Variants in NCOA5 observed in about 807,000 individuals in gnomAD.
NCOA5 encodes nuclear receptor coactivator 5, also known as NCoA-5.
In NCOA5, 12 loss-of-function variants were observed where a neutral mutation model predicts 59.0. The observed-to-expected ratio is 0.20, with a 90% CI of 0.13 to 0.33. The LOEUF is 0.33. Among genes scored for constraint, NCOA5 ranks in the 10% least tolerant of loss-of-function variants. NCOA5 has a pLI of 1.00. For synonymous variants in NCOA5, 270 were observed against 275.5 expected, an observed-to-expected ratio of 0.98 and a Z score of 0.20; for missense variants, 655 against 766.6, an observed-to-expected ratio of 0.85 and a Z score of 1.72.
chr20:46,065,033 C>G lies in NCOA5; in HGVS notation c.825G>C (p.Pro275=). 2 of 1,614,100 alleles carry G rather than the reference C, an allele frequency of 1.2e-6. No homozygotes were observed. The highest frequency in any genetic ancestry group is 1.7e-6 in the Non-Finnish European group (2 of 1,180,014). ...TCCGGTATTCTGACTCTGTACCTTG[C>G]GGGGTTCCAAACATGATGTTGACTG... ...SCTVNIMFGT[P]QEHRNMPQAD... The change falls in exon 6 of 8, where the codon CCG becomes CCC. Residue 275 remains proline (P), a synonymous_variant. Coordinates refer to ENST00000290231, the MANE Select transcript of NCOA5 (RefSeq NM_020967.3).
At position 46,062,598 on chromosome 20, in the gene NCOA5, C is replaced by A. The variant is rs372389784; in HGVS notation, c.1442G>T (p.Gly481Val). The A allele has an allele frequency of 6.2e-7, 1 of 1,614,206 alleles. No homozygotes were observed. The highest frequency in any genetic ancestry group is 8.5e-7 in the Non-Finnish European group (1 of 1,180,036). Residue 481 changes from glycine to valine, a missense_variant, in exon 8 of 8, where the codon GGC becomes GTC. Transcript: ENST00000290231. ...TCCCAAAATGCTTGGAGGCTGATTG[C>A]CAGAAGCCTGTGATCTTTGTTGAGG... Reference protein sequence around the residue: ...SQPQQRSQASGNQPPSILGQG... With the variant: ...SQPQQRSQASVNQPPSILGQG...
chr20:46,063,820 G>A (rs1303615027), intron 6 of NCOA5, 140 bp from the exon 7 acceptor site: 2 of 862,096 alleles, frequency 2.3e-6, no homozygotes, highest in Admixed American at 2.7e-5. Context: ...TTGAGAGTGG[G>A]GTGGTGTGGG....
At chr20:46,062,976 G>A (rs1211923527) in intron 7 of NCOA5, 87 bp from the exon 8 acceptor site, 2 of 1,102,694 alleles carry the variant, frequency 1.8e-6, no homozygotes, top group African/African-American at 1.6e-5. Context: ...AACAATCACT[G>A]AGTCACATCA....
At chr20:46,076,364 T>C (rs757547398) in intron 2 of NCOA5, among the ~76,000 whole-genome samples, 4 of 152,170 alleles carry the variant, frequency 2.6e-5, no homozygotes, top group Admixed American at 2.6e-4. Flanking sequence ...CTCAGTTAAA[T>C]GATTTGCCCC....
intron 1 of NCOA5, among the ~76,000 whole-genome samples, chr20:46,080,977 G>T (rs1304789320): frequency 6.6e-6 from 1 of 151,998 alleles, no homozygotes; most frequent in Non-Finnish European, 1.5e-5. Flanking sequence ...TCTATTATAC[G>T]TAATTGTGAA....
At chr20:46,068,042 T>G (rs991425088) in intron 4 of NCOA5, among the ~76,000 whole-genome samples, 5 of 152,146 alleles carry the variant, frequency 3.3e-5, no homozygotes, top group Non-Finnish European at 7.4e-5. Flanking sequence ...GCGATCCTCC[T>G]GCCTCAGCCC....
chr20:46,062,926 A>T (rs1177162115), intron 7 of NCOA5, 37 bp from the exon 8 acceptor site: 12 of 1,491,640 alleles, frequency 8.0e-6, no homozygotes, highest in Non-Finnish European at 1.1e-5. Flanking sequence ...GGTTCAAAGT[A>T]CCCCCCAAGG....
At position 46,067,078 on chromosome 20, in the gene NCOA5, C is replaced by G; in HGVS notation, c.606G>C (p.Val202=). 1 of 1,614,064 alleles carries G rather than the reference C, an allele frequency of 6.2e-7. No individual in the cohort carries two copies. Among genetic ancestry groups the G allele is most frequent in the Non-Finnish European group, 8.5e-7 (1 of 1,179,984 alleles). Residue 202 remains valine (V), a synonymous_variant, in exon 5 of 8, where the codon GTG becomes GTC. Transcript: ENST00000290231. ...ACTTTGTCTGTTTGTTGACCACAAT[C>G]ACAGAACAATCAACGGGCCTTTCGG... The part of the protein sequence containing the change: ...FDAERPVDCS[V]IVVNKQTKDY...
At position 46,079,390 on chromosome 20, in the gene NCOA5, C is replaced by T. The variant is rs370602943; in HGVS notation, c.35G>A (p.Arg12Gln). The part of the protein sequence containing the change: ...NTAPSRPSPT[R>Q]RDPYGFGDSR... ...TCACGGCTTCAGGGTACTTTACCTT[C>T]GTGTGGGGCTGGGTCTTGATGGAGC... Residue 12 changes from arginine (R) to glutamine (Q), a missense_variant, in exon 2 of 8, where the codon CGA (arginine) becomes CAA (glutamine). By Grantham distance (43) the Arg-to-Gln change is conservative. Coordinates refer to ENST00000290231, the MANE Select transcript of NCOA5 (RefSeq NM_020967.3). 14 of 1,613,822 alleles carry T rather than the reference C, an allele frequency of 8.7e-6. No homozygotes were observed. Among genetic ancestry groups the T allele is most frequent in the African/African-American group, 2.7e-5 (2 of 74,850 alleles).
chr20:46,075,406 A>T (rs1347790563), intron 2 of NCOA5, among the ~76,000 whole-genome samples: 1 of 152,194 alleles, frequency 6.6e-6, no homozygotes, highest in African/African-American at 2.4e-5. Flanking sequence ...AATAATCAAA[A>T]GCATTAGGGC....
rs369719197 is a variant in NCOA5, at chr20:46,076,775, C to T, written c.38+2612G>A. Among the ~76,000 whole-genome samples, 8 of 152,214 alleles carry T rather than the reference C, an allele frequency of 5.3e-5. 1 individual carries two copies. Reference sequence around the variant, plus strand: ...TGGAATTTGAATTAGCCTAGCTGTCCCTCCTGTTGATTGTAAATAAAGCAG... The same window carrying T: ...TGGAATTTGAATTAGCCTAGCTGTCTCTCCTGTTGATTGTAAATAAAGCAG... On this transcript the variant is annotated intron_variant, in intron 2 of 7. Coordinates refer to ENST00000290231, the MANE Select transcript of NCOA5 (RefSeq NM_020967.3).
At chr20:46,064,239 T>A (rs1251691838) in intron 6 of NCOA5, among the ~76,000 whole-genome samples, 2 of 152,248 alleles carry the variant, frequency 1.3e-5, no homozygotes, top group African/African-American at 4.8e-5. Context: ...TCCTCACACA[T>A]CTTGAGGACT....
rs542161914 is a variant in NCOA5 at position 46,080,763 on chromosome 20, T to TAAG, written c.-29-1311_-29-1310insCTT. On this transcript the variant is annotated intron_variant, in intron 1 of 7. Coordinates refer to ENST00000290231, the MANE Select transcript of NCOA5 (RefSeq NM_020967.3). ...GTGAAGTATATCTTAAATTGATTCT[T>TAAG]ACCTTTTCAATTAAGCAGACACAAG... Among the ~76,000 whole-genome samples the TAAG allele has an allele frequency of 1.2e-4, 18 of 152,238 alleles. No individual in the cohort carries two copies. In the South Asian group the frequency reaches 3.5e-3, roughly 30 times the overall value.
chr20:46,070,345 C>A lies in NCOA5; in HGVS notation c.230G>T (p.Ser77Ile). ...CCTCACGTCCCGAACGTCGCGCACA[C>A]TCCTGCTGTCTCTGTGATCCCGCAA... Reference protein sequence around the residue: ...RDLRDHRDSRSVRDVRDVRDL... With the variant: ...RDLRDHRDSRIVRDVRDVRDL... Residue 77 changes from serine (S) to isoleucine (I), a missense_variant, in exon 3 of 8, where the codon AGT becomes ATT. Coordinates refer to ENST00000290231, the MANE Select transcript of NCOA5 (RefSeq NM_020967.3). The A allele has an allele frequency of 1.9e-6, 3 of 1,613,800 alleles. No homozygotes were observed. The highest frequency in any genetic ancestry group is 2.5e-6 in the Non-Finnish European group (3 of 1,180,000).
intron 5 of NCOA5, 98 bp from the exon 6 acceptor site, chr20:46,065,326 T>C (rs2084811878): frequency 8.8e-7 from 1 of 1,130,596 alleles, no homozygotes; most frequent in East Asian, 2.4e-5. Context: ...ACTCAAACCT[T>C]AGTCTACCCC....
At chr20:46,072,504 C>T (rs991188989) in intron 2 of NCOA5, among the ~76,000 whole-genome samples, 4 of 152,134 alleles carry the variant, frequency 2.6e-5, no homozygotes, top group African/African-American at 9.7e-5. Flanking sequence ...CAGGCTCCCA[C>T]AGTATTTAGA....
intron 5 of NCOA5, among the ~76,000 whole-genome samples, chr20:46,065,957 C>T (rs1278102574): frequency 1.3e-5 from 2 of 152,126 alleles, no homozygotes; most frequent in Non-Finnish European, 2.9e-5. Flanking sequence ...TGGGGTAGTA[C>T]ATAAAGTAGG....
intron 4 of NCOA5, among the ~76,000 whole-genome samples, chr20:46,067,573 T>G (rs769792913): frequency 1.5e-3 from 218 of 144,930 alleles, no homozygotes; most frequent in South Asian, 5.7e-3. Flanking sequence ...GCTTTTTTTT[T>G]GGGGAAAAAA....
chr20:46,084,672 G>T (rs1428779503), intron 1 of NCOA5, among the ~76,000 whole-genome samples: 1 of 152,164 alleles, frequency 6.6e-6, no homozygotes, highest in Non-Finnish European at 1.5e-5. Context: ...CCAGTCATTT[G>T]ATTTCTCTGA....
Sources: allele counts gnomAD v4.1 joint callset (sites outside exome capture counted in the v4.1 genomes callset), GRCh38; gene constraint gnomAD v4.1.1; transcripts MANE v1.5; gene names NCBI Gene and HGNC (gene_info 2026-07-23, HGNC 2026-07-21).